TAFA1: variants seen among roughly 807,000 people sequenced by gnomAD.
TAFA1 encodes the protein TAFA chemokine like family member 1.
A neutral mutation model predicts 18.5 loss-of-function variants in TAFA1; 4 were observed. The observed-to-expected ratio is 0.22, with a 90% CI of 0.11 to 0.49. The LOEUF (loss-of-function observed/expected upper bound fraction) is 0.49, where lower values mean the gene tolerates loss of function less well. Ranked by LOEUF, TAFA1 falls within the 20% of genes least tolerant of loss-of-function variation. The pLI, the probability that TAFA1 is intolerant of heterozygous loss-of-function variation, is 0.98. For missense variants in TAFA1, 147 were observed against 169.0 expected, an observed-to-expected ratio of 0.87 and a Z score of 0.72; for synonymous variants, 56 against 55.2, an observed-to-expected ratio of 1.01 and a Z score of -0.06.
In TAFA1 at chr3:68,479,241, A is replaced by AAAAATATATATATAT. The variant is rs1353493315; in HGVS notation, c.260-59514_260-59513insAAATATATATATATA. 1.8e-4 allele frequency among the ~76,000 whole-genome samples: 22 copies of AAAAATATATATATAT among 123,662 alleles called. No individual in the cohort carries two copies. In the East Asian group the frequency reaches 3.5e-3, roughly 20 times the overall value. 81.1% of individuals were successfully genotyped at this position (123,662 alleles called of 152,430 possible). ...TGAGACTCCATCTCAAAAAAAAAAA[A>AAAAATATATATATAT]ATATATATATATATATATATATGTC... On this transcript the variant is annotated intron_variant, in intron 3 of 4. Coordinates refer to ENST00000478136, the MANE Select transcript of TAFA1 (RefSeq NM_213609.4).
At chr3:68,081,345 G>A (rs964137831) in intron 2 of TAFA1, among the ~76,000 whole-genome samples, 10 of 151,846 alleles carry the variant, frequency 6.6e-5, no homozygotes, top group South Asian at 6.2e-4. Context: ...GCTTTGTTCC[G>A]TTGCTGGTGA....
chr3:68,130,714 C>T (rs950344006), intron 2 of TAFA1, among the ~76,000 whole-genome samples: 13 of 152,150 alleles, frequency 8.5e-5, no homozygotes, highest in South Asian at 2.1e-4. Flanking sequence ...TTCCCTTCCT[C>T]GAGAACATCA....
At chr3:68,103,046 A>G (rs891582932) in intron 2 of TAFA1, among the ~76,000 whole-genome samples, 1 of 152,220 alleles carries the variant, frequency 6.6e-6, no homozygotes, top group Non-Finnish European at 1.5e-5. Flanking sequence ...GGGTGTGTGC[A>G]TGCATGCATG....
intron 2 of TAFA1, among the ~76,000 whole-genome samples, chr3:68,130,929 AT>A (rs1452963026): frequency 6.6e-6 from 1 of 151,286 alleles, no homozygotes; most frequent in Non-Finnish European, 1.5e-5. Context: ...TTTCCTTGTT[AT>A]TTTCTTGTTC....
At chr3:68,271,339 T>G (rs1013328575) in intron 2 of TAFA1, among the ~76,000 whole-genome samples, 3 of 152,042 alleles carry the variant, frequency 2.0e-5, no homozygotes, top group African/African-American at 4.8e-5. Flanking sequence ...GGCCTGGCTT[T>G]GCCTTACTCA....
intron 2 of TAFA1, among the ~76,000 whole-genome samples, chr3:68,130,158 C>T (rs568933739): frequency 7.9e-5 from 12 of 152,228 alleles, no homozygotes; most frequent in Admixed American, 4.6e-4. Context: ...AAAGGGTATC[C>T]GTGAAGGTAA....
chr3:68,150,667 A>G (rs2065795995), intron 2 of TAFA1, among the ~76,000 whole-genome samples: 1 of 151,910 alleles, frequency 6.6e-6, no homozygotes, highest in Non-Finnish European at 1.5e-5. Flanking sequence ...ACATGTTTTA[A>G]CCCTTCATTT....
At chr3:68,398,222 T>C (rs755193249) in intron 2 of TAFA1, among the ~76,000 whole-genome samples, 15 of 151,956 alleles carry the variant, frequency 9.9e-5, no homozygotes, top group Admixed American at 5.3e-4. Flanking sequence ...CCAAAACAAA[T>C]ATATAGACCA....
At chr3:68,198,543 G>A (rs1358781575) in intron 2 of TAFA1, among the ~76,000 whole-genome samples, 4 of 151,582 alleles carry the variant, frequency 2.6e-5, no homozygotes, top group Non-Finnish European at 5.9e-5. Flanking sequence ...ATTTAGTGTT[G>A]TCAGTGTTCT....
At chr3:68,457,111 C>T (rs1294666668) in intron 3 of TAFA1, among the ~76,000 whole-genome samples, 3 of 152,182 alleles carry the variant, frequency 2.0e-5, no homozygotes, top group Admixed American at 1.3e-4. Flanking sequence ...TAAGTAGGTA[C>T]TTGTAACACT....
intron 2 of TAFA1, among the ~76,000 whole-genome samples, chr3:68,129,136 T>A (rs11921557): frequency 0.94 from 142,758 of 152,222 alleles, 67,020 homozygotes; most frequent in South Asian, 0.97. Context: ...CAGGAGGGGG[T>A]TTGTTGTCTT....
chr3:68,074,040 G>C (rs367738788), intron 2 of TAFA1, among the ~76,000 whole-genome samples: 3 of 152,162 alleles, frequency 2.0e-5, no homozygotes, highest in East Asian at 3.8e-4. Flanking sequence ...TGGGAGGCCT[G>C]AGCTTGCTTT....
At chr3:68,426,473 C>T (rs1400596421) in intron 3 of TAFA1, among the ~76,000 whole-genome samples, 1 of 151,770 alleles carries the variant, frequency 6.6e-6, no homozygotes, top group African/African-American at 2.4e-5. Flanking sequence ...ATAAGTAGTT[C>T]ACTGAAAGAA....
intron 3 of TAFA1, among the ~76,000 whole-genome samples, chr3:68,495,117 A>G (rs1166405386): frequency 6.6e-6 from 1 of 152,162 alleles, no homozygotes. Flanking sequence ...CCCAGTGGAC[A>G]CCCACAACAC....
At chr3:68,056,562 T>C (rs2064539522) in intron 2 of TAFA1, among the ~76,000 whole-genome samples, 1 of 152,042 alleles carries the variant, frequency 6.6e-6, no homozygotes, top group Non-Finnish European at 1.5e-5. Flanking sequence ...AGACAGCCAA[T>C]CAATAAAAGA....
At chr3:68,449,609 A>C (rs1469350957) in intron 3 of TAFA1, among the ~76,000 whole-genome samples, 1 of 152,188 alleles carries the variant, frequency 6.6e-6, no homozygotes, top group African/African-American at 2.4e-5. Flanking sequence ...AAAAAAACAC[A>C]AAGATCTAAT....
At chr3:68,341,070 C>T (rs563727397) in intron 2 of TAFA1, among the ~76,000 whole-genome samples, 7 of 152,314 alleles carry the variant, frequency 4.6e-5, no homozygotes, top group African/African-American at 1.7e-4. Context: ...ATGGGTTCAC[C>T]TTGCCCACTA....
chr3:68,473,002 A>G (rs1311364189), intron 3 of TAFA1, among the ~76,000 whole-genome samples: 1 of 152,130 alleles, frequency 6.6e-6, no homozygotes, highest in Non-Finnish European at 1.5e-5. Context: ...AATTTTTAGG[A>G]GATTACTTTT....
At chr3:68,030,105 G>T (rs1248307978) in intron 2 of TAFA1, among the ~76,000 whole-genome samples, 1 of 152,010 alleles carries the variant, frequency 6.6e-6, no homozygotes, top group Non-Finnish European at 1.5e-5. Flanking sequence ...AGAAATTAGA[G>T]AATATACTTA....
Sources: gnomAD v4.1 joint callset for allele counts (sites outside exome capture counted in the v4.1 genomes callset) on GRCh38, gnomAD v4.1.1 for gene constraint, MANE v1.5 for transcripts, NCBI Gene and HGNC (gene_info 2026-07-23, HGNC 2026-07-21) for gene names.